Variants in AGBL1 observed in about 807,000 individuals in gnomAD.
AGBL1 encodes AGBL carboxypeptidase 1.
Under a neutral mutation model 118.9 loss-of-function variants are expected in AGBL1, and 130 were observed. The observed-to-expected ratio is 1.09, with a 90% CI of 0.95 to 1.26. The LOEUF is 1.26. AGBL1 is among the 50% of genes most tolerant of loss of function. The pLI is 0.00. For synonymous variants in AGBL1, 555 were observed against 478.9 expected (o/e 1.16, Z -2.08); for missense variants, 1,584 against 1,298.1 (o/e 1.22, Z -3.38).
intron 5 of AGBL1, 77 bp downstream of exon 5, chr15:86,159,103 T>C: frequency 1.5e-6 from 2 of 1,343,574 alleles, no homozygotes; most frequent in South Asian, 1.2e-5. Flanking sequence ...TGTATTTTCA[T>C]GATGCTTCCA....
chr15:86,323,466 G>T (rs1295834199), intron 17 of AGBL1, among the ~76,000 whole-genome samples: 1 of 151,952 alleles, frequency 6.6e-6, no homozygotes, highest in Admixed American at 6.6e-5. Flanking sequence ...GTAAGCCTCA[G>T]TATTGTGCAT....
At position 86,522,847 on chromosome 15, in the gene AGBL1, C is replaced by A; in HGVS notation, c.2593C>A (p.Gln865Lys). The part of the protein sequence containing the change: ...CSLSGEDLNR[Q>K]WLSPSAHLQP... ...ACTGAGCGGGGAAGATTTGAACAGA[C>A]AATGGCTTTCTCCCAGTGCTCATCT... The change falls in exon 19 of 23, where the codon CAA (glutamine) becomes AAA (lysine). Residue 865 changes from glutamine (Q) to lysine (K), a missense_variant. Gln to Lys is a moderately conservative substitution (Grantham distance 53, BLOSUM62 1). Coordinates refer to ENST00000614907, the MANE Select transcript of AGBL1 (RefSeq NM_001386094.1). 1 of 1,613,736 alleles carries A rather than the reference C, an allele frequency of 6.2e-7. No homozygotes were observed.
chr15:86,302,760 C>T (rs1231658263), intron 17 of AGBL1, among the ~76,000 whole-genome samples: 2 of 122,068 alleles, frequency 1.6e-5, no homozygotes, highest in Non-Finnish European at 3.2e-5. Context: ...GCCTGGATGA[C>T]AGAGTGGGAC....
chr15:86,111,648 G>A (rs1284185190), intron 1 of AGBL1, among the ~76,000 whole-genome samples: 1 of 152,156 alleles, frequency 6.6e-6, no homozygotes, highest in Non-Finnish European at 1.5e-5. Flanking sequence ...AGTTTCCTGG[G>A]AGAACAAGTT....
At chr15:86,642,804 C>A (rs148774011) in intron 21 of AGBL1, among the ~76,000 whole-genome samples, 175 of 152,148 alleles carry the variant, frequency 1.2e-3, no homozygotes, top group African/African-American at 3.9e-3. Flanking sequence ...TGTTGTGCTA[C>A]CTTTACCAAG....
chr15:86,241,040 C>T (rs2078633591), intron 6 of AGBL1, among the ~76,000 whole-genome samples: 1 of 152,126 alleles, frequency 6.6e-6, no homozygotes, highest in Admixed American at 6.5e-5. Flanking sequence ...ATATCATGGA[C>T]ATGGCCTTTT....
rs1410654815 is a variant in AGBL1 at position 86,912,464 on chromosome 15, A to G, written c.*5170A>G. 1.3e-5 allele frequency: 2 copies of G among 152,150 alleles called. No homozygotes were observed. The highest frequency in any genetic ancestry group is 2.9e-5 in the Non-Finnish European group (2 of 68,056). 9.4% of individuals were successfully genotyped at this position (152,150 alleles called of 1,614,324 possible). On this transcript the variant is annotated 3_prime_UTR_variant, in exon 23 of 23. Transcript: ENST00000614907. ...CTGCCTGGGCTCTCCTTGCAATCCC[A>G]TCAATAAGAATCAGCATCCAAGAAT... is the stretch of plus-strand genomic sequence containing the variant.
At chr15:86,739,007 A>G (rs985559481) in intron 22 of AGBL1, among the ~76,000 whole-genome samples, 26 of 152,118 alleles carry the variant, frequency 1.7e-4, no homozygotes, top group African/African-American at 5.6e-4. Flanking sequence ...TTAGCTGGGC[A>G]TGGTGGTGCA....
intron 18 of AGBL1, among the ~76,000 whole-genome samples, chr15:86,486,356 T>A (rs1199565210): frequency 2.6e-5 from 4 of 152,156 alleles, no homozygotes; most frequent in Non-Finnish European, 5.9e-5. Context: ...CCTCCTCTTC[T>A]AAAATCTTTC....
At chr15:86,244,292 C>T (rs1260967223) in intron 6 of AGBL1, among the ~76,000 whole-genome samples, 2 of 152,116 alleles carry the variant, frequency 1.3e-5, no homozygotes, top group African/African-American at 2.4e-5. Flanking sequence ...TTCAAAAATG[C>T]ACCTCATCTC....
At chr15:86,289,808 T>C (rs2079515681) in intron 16 of AGBL1, among the ~76,000 whole-genome samples, 1 of 152,198 alleles carries the variant, frequency 6.6e-6, no homozygotes, top group Non-Finnish European at 1.5e-5. Flanking sequence ...GATAGTCTCC[T>C]CATCTCAAAT....
intron 18 of AGBL1, among the ~76,000 whole-genome samples, chr15:86,508,896 T>C (rs1434452444): frequency 6.6e-6 from 1 of 152,182 alleles, no homozygotes; most frequent in Non-Finnish European, 1.5e-5. Context: ...TGTTCATCAC[T>C]GAGTACATAC....
chr15:86,475,771 G>T (rs1002460204), intron 18 of AGBL1, among the ~76,000 whole-genome samples: 2 of 152,154 alleles, frequency 1.3e-5, no homozygotes, highest in Non-Finnish European at 2.9e-5. Flanking sequence ...ACACATAATT[G>T]TCAGATTCAC....
chr15:86,082,542 C>A (rs2141434589), intron 1 of AGBL1, among the ~76,000 whole-genome samples: 1 of 152,314 alleles, frequency 6.6e-6, no homozygotes, highest in South Asian at 2.1e-4. Context: ...ACAAGCATAA[C>A]AGAATATCCC....
In AGBL1 at chr15:86,476,942, C is replaced by T. The variant is rs1188942304; in HGVS notation, c.2556-45868C>T. ...ATTAAGAAACTCACTCAAAACTGCT[C>T]CACTACATGGAAACTGAACAACCTG... is the stretch of plus-strand genomic sequence containing the variant. On this transcript the variant is annotated intron_variant, in intron 18 of 22. Coordinates refer to ENST00000614907, the MANE Select transcript of AGBL1 (RefSeq NM_001386094.1). Among the ~76,000 whole-genome samples the T allele has an allele frequency of 3.9e-5, 6 of 152,288 alleles. No homozygotes were observed. The East Asian group carries it at 1.2e-3, about 29-fold the overall frequency.
chr15:86,460,825 C>T (rs550078421), intron 18 of AGBL1, among the ~76,000 whole-genome samples: 3 of 152,162 alleles, frequency 2.0e-5, no homozygotes, highest in Non-Finnish European at 4.4e-5. Flanking sequence ...TACATCCTTT[C>T]CTGGGTTCCT....
At chr15:86,956,443 C>T (rs1567258437) in intron 23 of AGBL1, among the ~76,000 whole-genome samples, 3 of 152,082 alleles carry the variant, frequency 2.0e-5, no homozygotes, top group African/African-American at 7.2e-5. Flanking sequence ...CCAAATCCCA[C>T]AGGACAAGGC....
intron 5 of AGBL1, among the ~76,000 whole-genome samples, chr15:86,182,032 G>A (rs1597504493): frequency 6.6e-6 from 1 of 151,966 alleles, no homozygotes; most frequent in African/African-American, 2.4e-5. Flanking sequence ...TGTTGGGGAT[G>A]GAAAGGAAGT....
intron 7 of AGBL1, among the ~76,000 whole-genome samples, chr15:86,251,248 C>A (rs1489494937): frequency 6.6e-6 from 1 of 152,204 alleles, no homozygotes; most frequent in African/African-American, 2.4e-5. Flanking sequence ...GGATTGGAAT[C>A]TGGTAGTCTC....
Sources: gnomAD v4.1 joint callset for allele counts (sites outside exome capture counted in the v4.1 genomes callset) on GRCh38, gnomAD v4.1.1 for gene constraint, MANE v1.5 for transcripts, NCBI Gene and HGNC (gene_info 2026-07-23, HGNC 2026-07-21) for gene names.